The following ANO5 variants were observed in gnomAD, a reference collection of about 807,000 sequenced individuals.
ANO5 encodes the protein anoctamin-5.
In ANO5, 109 loss-of-function variants were observed where a neutral mutation model predicts 121.0. The observed-to-expected ratio is 0.90, with a 90% CI of 0.77 to 1.06. ANO5 has a LOEUF of 1.06. Among genes scored for constraint, ANO5 ranks in the 50% least tolerant of loss-of-function variants. The pLI is 0.00. For missense variants in ANO5, 1,064 were observed against 1,078.5 expected (o/e 0.99, Z 0.19); for synonymous variants, 406 against 359.9 (o/e 1.13, Z -1.45).
At chr11:22,204,944 C>T (rs1852066922) in intron 2 of ANO5, among the ~76,000 whole-genome samples, 1 of 152,008 alleles carries the variant, frequency 6.6e-6, no homozygotes, top group Non-Finnish European at 1.5e-5. Flanking sequence ...ATGGAATCAA[C>T]CTAAATGCCC....
At chr11:22,193,990 C>G (rs1851734367) in intron 1 of ANO5, among the ~76,000 whole-genome samples, 1 of 152,156 alleles carries the variant, frequency 6.6e-6, no homozygotes, top group African/African-American at 2.4e-5. Context: ...TTACCTCACT[C>G]TCTCTGCCCG....
chr11:22,225,584 T>C (rs1400528865), intron 5 of ANO5, among the ~76,000 whole-genome samples: 1 of 152,146 alleles, frequency 6.6e-6, no homozygotes, highest in African/African-American at 2.4e-5. Flanking sequence ...GATTAAAAAG[T>C]CTTGATGACA....
rs1855056683 is a variant in ANO5, at chr11:22,281,034, A to G, written c.*1269A>G. 6.6e-6 allele frequency: 1 copy of G among 152,018 alleles called. No individual in the cohort carries two copies. The highest frequency in any genetic ancestry group is 2.4e-5 in the African/African-American group (1 of 41,442). 9.4% of individuals were successfully genotyped at this position (152,018 alleles called of 1,614,324 possible). A position where few individuals can be genotyped will look rare whatever the true frequency, so the allele number is the denominator to read the frequency against. On this transcript the variant is annotated 3_prime_UTR_variant, in exon 22 of 22. Transcript: ENST00000324559. ...TCAAATTTAGGCTTGTGTTACATGC[A>G]CAAAAATCCTTGTTCTGTTTTCACT... is the stretch of plus-strand genomic sequence containing the variant.
intron 7 of ANO5, among the ~76,000 whole-genome samples, chr11:22,228,441 C>A (rs1398030257): frequency 6.6e-6 from 1 of 151,810 alleles, no homozygotes; most frequent in Non-Finnish European, 1.5e-5. Context: ...ATGTAATGAA[C>A]AAATTGGGAT....
At chr11:22,255,244 C>CA in intron 12 of ANO5, 127 bp from the exon 13 acceptor site, 2 of 675,778 alleles carry the variant, frequency 3.0e-6, no homozygotes, top group Non-Finnish European at 4.7e-6. Context: ...TTTAATCAAA[C>CA]ACAACAGTGA....
chr11:22,269,208 G>GGGAAA (rs556433417), intron 17 of ANO5, among the ~76,000 whole-genome samples: 156 of 129,868 alleles, frequency 1.2e-3, no homozygotes, highest in African/African-American at 5.0e-3. Context: ...GGGAAGAGAA[G>GGGAAA]GGAAGAAGGA....
chr11:22,232,239 T>A (rs919688307), intron 7 of ANO5, among the ~76,000 whole-genome samples: 1 of 152,048 alleles, frequency 6.6e-6, no homozygotes, highest in Non-Finnish European at 1.5e-5. Flanking sequence ...TATTTGTGTA[T>A]GTGTCATTAT....
chr11:22,216,333 C>A (rs762680719), intron 3 of ANO5, among the ~76,000 whole-genome samples: 1 of 151,884 alleles, frequency 6.6e-6, no homozygotes, highest in Non-Finnish European at 1.5e-5. Context: ...TTTTGCTGTA[C>A]ATCTTCACCA....
chr11:22,224,344 C>G (rs1162047182), intron 5 of ANO5, among the ~76,000 whole-genome samples: 1 of 152,030 alleles, frequency 6.6e-6, no homozygotes, highest in Non-Finnish European at 1.5e-5. Context: ...TTCTGTATCT[C>G]ATACCTTCAA....
At chr11:22,246,153 T>C (rs112160831) in intron 9 of ANO5, among the ~76,000 whole-genome samples, 3 of 152,268 alleles carry the variant, frequency 2.0e-5, no homozygotes, top group African/African-American at 7.2e-5. Context: ...ATCTGATTCT[T>C]CTCAAGAAAT....
At position 22,250,345 on chromosome 11, in the gene ANO5, A is replaced by C; in HGVS notation, c.987A>C (p.Leu329Phe). The change falls in exon 10 of 22, where the codon TTA becomes TTC. Residue 329 changes from leucine to phenylalanine, a missense_variant. Physicochemically the swap from Leu to Phe is conservative, Grantham distance 22 (BLOSUM62 0). Coordinates refer to ENST00000324559, the MANE Select transcript of ANO5 (RefSeq NM_213599.3). The part of the protein sequence containing the change: ...VVGLACFIYG[L>F]LSMEHNTSST... ...GCTTAGCTTGTTTTATTTATGGCTT[A>C]TTATCAATGGAACATAACACAAGCA... The C allele has an allele frequency of 6.2e-7, 1 of 1,613,544 alleles. No homozygotes were observed. The highest frequency in any genetic ancestry group is 1.1e-5 in the South Asian group (1 of 91,072).
intron 9 of ANO5, among the ~76,000 whole-genome samples, chr11:22,240,547 TAGTC>T (rs1002836905): frequency 5.9e-5 from 9 of 152,212 alleles, no homozygotes; most frequent in South Asian, 4.1e-4. Flanking sequence ...TAATGTCACT[TAGTC>T]AGTTTATAAA....
At chr11:22,277,323 C>A (rs916409847) in intron 21 of ANO5, among the ~76,000 whole-genome samples, 10 of 151,528 alleles carry the variant, frequency 6.6e-5, no homozygotes, top group Non-Finnish European at 1.0e-4. Flanking sequence ...TATTTAGCAG[C>A]AACATATGAT....
At chr11:22,259,132 CAAAA>C (rs11317243) in intron 14 of ANO5, among the ~76,000 whole-genome samples, 3 of 112,478 alleles carry the variant, frequency 2.7e-5, no homozygotes, top group African/African-American at 3.3e-5. Context: ...GACTCTGTCT[CAAAA>C]AAAAAAAAAA....
At chr11:22,232,278 A>G (rs1020558455) in intron 7 of ANO5, among the ~76,000 whole-genome samples, 7 of 151,924 alleles carry the variant, frequency 4.6e-5, no homozygotes, top group African/African-American at 1.4e-4. Flanking sequence ...CCTGATGTAA[A>G]TGAGATTGAT....
At chr11:22,232,953 T>C (rs1304780290) in intron 7 of ANO5, among the ~76,000 whole-genome samples, 1 of 152,046 alleles carries the variant, frequency 6.6e-6, no homozygotes, top group African/African-American at 2.4e-5. Context: ...AAACTGTTTA[T>C]TACACAGAAC....
Position 22,262,985 on chromosome 11 carries a change from T to A in ANO5, c.1840T>A (p.Leu614Met). The A allele has an allele frequency of 6.2e-7, 1 of 1,613,740 alleles. No homozygotes were observed. Reference sequence around the variant, plus strand: ...CTGTCTTATAGAATTGACAACCCAATTGACCATTATAATGACCGGGAAACA... The same window carrying A: ...CTGTCTTATAGAATTGACAACCCAAATGACCATTATAATGACCGGGAAACA... ...GGCLIELTTQ[L>M]TIIMTGKQIF... The change falls in exon 17 of 22, where the codon TTG (leucine) becomes ATG (methionine). Residue 614 changes from leucine to methionine, a missense_variant. Physicochemically the swap from Leu to Met is conservative, Grantham distance 15. Coordinates refer to ENST00000324559, the MANE Select transcript of ANO5 (RefSeq NM_213599.3).
chr11:22,196,313 A>G (rs1376193649), intron 1 of ANO5, among the ~76,000 whole-genome samples: 1 of 152,096 alleles, frequency 6.6e-6, no homozygotes, highest in Non-Finnish European at 1.5e-5. Context: ...CCCAATTCTA[A>G]TGTAACTGTT....
intron 7 of ANO5, among the ~76,000 whole-genome samples, chr11:22,228,416 A>G (rs958806561): frequency 6.6e-6 from 1 of 152,034 alleles, no homozygotes; most frequent in African/African-American, 2.4e-5. Flanking sequence ...TGATGTTTCA[A>G]TACATGTATA....
Sources: gnomAD v4.1 joint callset for allele counts (sites outside exome capture counted in the v4.1 genomes callset) on GRCh38, gnomAD v4.1.1 for gene constraint, MANE v1.5 for transcripts, NCBI Gene and HGNC (gene_info 2026-07-23, HGNC 2026-07-21) for gene names.